Variants in TENM1 observed in about 807,000 individuals in gnomAD.
TENM1 encodes teneurin-1.
A neutral mutation model predicts 174.8 loss-of-function variants in TENM1; 35 were observed. That is an observed-to-expected ratio of 0.20 (90% CI 0.15 to 0.27). TENM1 has a LOEUF of 0.27. Ranked by LOEUF, TENM1 falls within the 10% of genes least tolerant of loss-of-function variation. TENM1 has a pLI of 1.00. For missense variants in TENM1, 1,633 were observed against 2,130.1 expected, an observed-to-expected ratio of 0.77 and a Z score of 4.59; for synonymous variants, 781 against 798.7, an observed-to-expected ratio of 0.98 and a Z score of 0.37.
intron 14 of TENM1, among the ~76,000 whole-genome samples, chrX:124,550,043 A>G (rs963705022): frequency 3.6e-5 from 4 of 111,369 alleles, no homozygotes; most frequent in South Asian, 3.9e-4. Context: ...CTTCAAAGGA[A>G]TAAAAATACT....
chrX:124,455,854 G>C (rs2061099029), intron 22 of TENM1, among the ~76,000 whole-genome samples: 1 of 111,189 alleles, frequency 9.0e-6, no homozygotes, highest in African/African-American at 3.3e-5. Flanking sequence ...AATTTGAGCA[G>C]GTTCACAAAA....
At chrX:124,605,690 C>A (rs2050138246) in intron 11 of TENM1, among the ~76,000 whole-genome samples, 1 of 111,346 alleles carries the variant, frequency 9.0e-6, no homozygotes, top group African/African-American at 3.3e-5. Context: ...CATTACTCAT[C>A]CTTGGGATAT....
chrX:125,054,064 T>C, the TENM1 span, among the ~76,000 whole-genome samples: 7 of 112,236 alleles, frequency 6.2e-5, no homozygotes, highest in East Asian at 1.7e-3. Context: ...TCCATCGTTC[T>C]ACCATGAGGT....
At chrX:124,840,529 G>A (rs374862906) in intron 3 of TENM1, among the ~76,000 whole-genome samples, 24 of 111,310 alleles carry the variant, frequency 2.2e-4, no homozygotes, top group African/African-American at 7.8e-4. Flanking sequence ...GTGTTAGATG[G>A]TTAATTTTAG....
chrX:125,011,175 G>C, the TENM1 span, among the ~76,000 whole-genome samples: 1 of 111,372 alleles, frequency 9.0e-6, no homozygotes, highest in Admixed American at 9.6e-5. Flanking sequence ...CTTATACAAA[G>C]ATTAACTCGA....
At chrX:124,607,096 T>C (rs911593788) in intron 11 of TENM1, among the ~76,000 whole-genome samples, 3 of 111,157 alleles carry the variant, frequency 2.7e-5, no homozygotes, top group Admixed American at 9.6e-5. Context: ...TCAGATTTAT[T>C]TGAAAACAAA....
At chrX:124,478,308 C>T (rs959134169) in intron 22 of TENM1, among the ~76,000 whole-genome samples, 4 of 112,339 alleles carry the variant, frequency 3.6e-5, no homozygotes, top group African/African-American at 1.3e-4. Flanking sequence ...AAAGTCCGGG[C>T]TCCCTCCTTT....
intron 1 of TENM1, among the ~76,000 whole-genome samples, chrX:124,957,207 A>ATGGATGGATGGATGGT (rs747514664): frequency 4.0e-4 from 44 of 110,423 alleles, no homozygotes; most frequent in African/African-American, 1.4e-3. Context: ...AGATGGATGG[A>ATGGATGGATGGATGGT]TGGATGGATG....
intron 3 of TENM1, among the ~76,000 whole-genome samples, chrX:124,883,617 G>A (rs773243149): frequency 3.0e-4 from 34 of 112,487 alleles, no homozygotes; most frequent in Middle Eastern, 4.6e-3. Flanking sequence ...TGGGCTGCTG[G>A]CCAGCAGGTG....
At chrX:124,675,154 T>C (rs1208442611) in intron 5 of TENM1, among the ~76,000 whole-genome samples, 1 of 111,975 alleles carries the variant, frequency 8.9e-6, no homozygotes, top group Non-Finnish European at 1.9e-5. Context: ...GAACTTACTA[T>C]ATCTTTCCCA....
At chrX:124,770,689 G>A (rs747157330) in intron 3 of TENM1, among the ~76,000 whole-genome samples, 286 of 109,823 alleles carry the variant, frequency 2.6e-3, no homozygotes, top group African/African-American at 5.3e-3. Flanking sequence ...GATTACAGGC[G>A]TGAACCACTG....
intron 3 of TENM1, among the ~76,000 whole-genome samples, chrX:124,793,346 T>C (rs1304077228): frequency 9.0e-6 from 1 of 111,388 alleles, no homozygotes; most frequent in Non-Finnish European, 1.9e-5. Context: ...TCACAGAATA[T>C]GTAGACTGGA....
chrX:124,965,300 C>T (rs1223270963), upstream of TENM1, among the ~76,000 whole-genome samples: 2 of 111,416 alleles, frequency 1.8e-5, no homozygotes, highest in African/African-American at 6.5e-5. Context: ...AGGATGGTCT[C>T]GATCTCCTCA....
At chrX:124,754,864 A>C (rs1301981988) in intron 3 of TENM1, among the ~76,000 whole-genome samples, 2 of 106,055 alleles carry the variant, frequency 1.9e-5, no homozygotes, top group African/African-American at 7.3e-5. Flanking sequence ...AGTTTGTTAT[A>C]GTTTCTGTTC....
the TENM1 span, among the ~76,000 whole-genome samples, chrX:125,134,210 G>A: frequency 1.2e-4 from 14 of 112,143 alleles, no homozygotes; most frequent in Non-Finnish European, 2.1e-4. Context: ...AATACACATA[G>A]TCTGCAGCAG....
chrX:124,806,529 C>T (rs1486278736), intron 3 of TENM1, among the ~76,000 whole-genome samples: 1 of 111,724 alleles, frequency 9.0e-6, no homozygotes, highest in African/African-American at 3.3e-5. Flanking sequence ...TGTCAAAAAT[C>T]AAAAACAGAG....
upstream of TENM1, among the ~76,000 whole-genome samples, chrX:124,966,473 T>C (rs2058726752): frequency 2.7e-5 from 3 of 109,894 alleles, no homozygotes; most frequent in South Asian, 1.2e-3. Context: ...CCATCCTGGC[T>C]AACACGGTGA....
At chrX:125,146,750 C>A in the TENM1 span, among the ~76,000 whole-genome samples, 4 of 111,070 alleles carry the variant, frequency 3.6e-5, no homozygotes, top group African/African-American at 1.3e-4. Flanking sequence ...CCCTTACTCA[C>A]GGTTTGTTTT....
the TENM1 span, among the ~76,000 whole-genome samples, chrX:125,071,295 C>A: frequency 2.7e-5 from 3 of 111,681 alleles, no homozygotes; most frequent in Admixed American, 2.8e-4. Flanking sequence ...GAAAAACAGA[C>A]ATGGTGACTA....
Sources: gnomAD v4.1 joint callset for allele counts (sites outside exome capture counted in the v4.1 genomes callset) on GRCh38, gnomAD v4.1.1 for gene constraint, MANE v1.5 for transcripts, NCBI Gene and HGNC (gene_info 2026-07-23, HGNC 2026-07-21) for gene names.